TRAPPC9: variants seen among roughly 807,000 people sequenced by gnomAD.
TRAPPC9 encodes the protein IKK2 binding protein.
A neutral mutation model predicts 124.0 loss-of-function variants in TRAPPC9; 83 were observed. That is an observed-to-expected ratio of 0.67 (90% CI 0.56 to 0.80). The LOEUF is 0.80. Among genes scored for constraint, TRAPPC9 ranks in the 30% least tolerant of loss-of-function variants. The pLI is 0.00. For missense variants in TRAPPC9, 1,302 were observed against 1,508.3 expected (o/e 0.86, Z 2.27); for synonymous variants, 638 against 617.5 (o/e 1.03, Z -0.49).
At chr8:140,226,483 T>G (rs1239100898) in intron 16 of TRAPPC9, among the ~76,000 whole-genome samples, 1 of 150,062 alleles carries the variant, frequency 6.7e-6, no homozygotes, top group African/African-American at 2.5e-5. Context: ...TCCCAGCTAC[T>G]GGGGAGGCTA....
At chr8:140,401,341 A>G (rs34304055) in intron 6 of TRAPPC9, among the ~76,000 whole-genome samples, 42,410 of 152,068 alleles carry the variant, frequency 0.28, 6,853 homozygotes, top group South Asian at 0.43. Context: ...AATCTGTTAT[A>G]TTAAATATAA....
intron 21 of TRAPPC9, among the ~76,000 whole-genome samples, chr8:139,858,810 G>A (rs759033813): frequency 3.4e-5 from 5 of 149,180 alleles, no homozygotes; most frequent in Non-Finnish European, 5.9e-5. Context: ...CACTGCGACC[G>A]GGACTGTGAA....
At chr8:140,417,910 AG>A (rs2069998303) in intron 5 of TRAPPC9, among the ~76,000 whole-genome samples, 1 of 152,234 alleles carries the variant, frequency 6.6e-6, no homozygotes, top group African/African-American at 2.4e-5. Context: ...TGTCCTTTGC[AG>A]GGACATGGAT....
At chr8:140,297,491 A>G (rs1286911705) in intron 11 of TRAPPC9, among the ~76,000 whole-genome samples, 2 of 152,172 alleles carry the variant, frequency 1.3e-5, no homozygotes, top group African/African-American at 4.8e-5. Context: ...TAGTGCTCAC[A>G]TTTTCAGAAA....
At chr8:139,989,318 T>TGTGTGC (rs1554601890) in intron 18 of TRAPPC9, among the ~76,000 whole-genome samples, 3 of 151,936 alleles carry the variant, frequency 2.0e-5, no homozygotes, top group Non-Finnish European at 2.9e-5. Context: ...TGTGTGTGTG[T>TGTGTGC]GTGCACATCC....
intron 2 of TRAPPC9, among the ~76,000 whole-genome samples, chr8:140,449,699 G>T (rs562185258): frequency 2.0e-5 from 3 of 152,328 alleles, no homozygotes; most frequent in Non-Finnish European, 4.4e-5. Flanking sequence ...CTTTGTAAGT[G>T]AGGAATTCGA....
At chr8:140,233,628 C>CACACACACACAA (rs1178057075) in intron 16 of TRAPPC9, among the ~76,000 whole-genome samples, 1 of 144,286 alleles carries the variant, frequency 6.9e-6, no homozygotes, top group African/African-American at 2.6e-5. Context: ...CCCCACCACA[C>CACACACACACAA]ACACACACAC....
intron 9 of TRAPPC9, among the ~76,000 whole-genome samples, chr8:140,320,139 C>T (rs2131936473): frequency 6.6e-6 from 1 of 152,250 alleles, no homozygotes; most frequent in Admixed American, 6.5e-5. Flanking sequence ...TTTTCACAAT[C>T]GATTCTGGTA....
At chr8:139,909,465 AG>A (rs1831572420) in intron 20 of TRAPPC9, among the ~76,000 whole-genome samples, 1 of 150,982 alleles carries the variant, frequency 6.6e-6, no homozygotes, top group Non-Finnish European at 1.5e-5. Flanking sequence ...ACTTCATACT[AG>A]ACAAACAACT....
chr8:139,839,947 G>A (rs916560423), intron 21 of TRAPPC9, among the ~76,000 whole-genome samples: 1 of 152,218 alleles, frequency 6.6e-6, no homozygotes, highest in Admixed American at 6.5e-5. Flanking sequence ...CTGAGACTGT[G>A]TTCCAAAGAA....
At chr8:140,101,464 G>A (rs908885924) in intron 17 of TRAPPC9, among the ~76,000 whole-genome samples, 6 of 151,376 alleles carry the variant, frequency 4.0e-5, no homozygotes, top group African/African-American at 7.3e-5. Flanking sequence ...ACATTTTTAG[G>A]TGCTGATCAC....
chr8:140,157,472 T>A (rs1485698389), intron 17 of TRAPPC9, among the ~76,000 whole-genome samples: 1 of 152,182 alleles, frequency 6.6e-6, no homozygotes, highest in South Asian at 2.1e-4. Context: ...CCTCAACGAA[T>A]GACGAAATGA....
chr8:140,311,297 C>A lies in TRAPPC9; in HGVS notation c.1573G>T (p.Gly525Cys), dbSNP rs777169995. ...PGTMEPIALP[G>C]GLTLPPVPFT... ...GGCACCGGTGGCAGGGTGAGGCCGC[C>A]AGGGAGGGCGATGGGCTCCATGGTC... Residue 525 changes from glycine to cysteine, a missense_variant, in exon 10 of 23, where the codon GGC becomes TGC. Transcript: ENST00000438773. The A allele has an allele frequency of 6.2e-7, 1 of 1,613,652 alleles. No individual in the cohort carries two copies. The highest frequency in any genetic ancestry group is 8.5e-7 in the Non-Finnish European group (1 of 1,180,008).
chr8:139,781,142 T>C (rs1821789610), intron 21 of TRAPPC9, among the ~76,000 whole-genome samples: 2 of 152,126 alleles, frequency 1.3e-5, no homozygotes, highest in African/African-American at 4.8e-5. Context: ...TAGTATAATC[T>C]AGCAGTCACA....
chr8:139,759,300 A>G (rs546612385), intron 21 of TRAPPC9, among the ~76,000 whole-genome samples: 1 of 152,298 alleles, frequency 6.6e-6, no homozygotes, highest in South Asian at 2.1e-4. Context: ...CCTGCCGCTC[A>G]CTGAGTGTTT....
At chr8:140,392,609 C>A (rs2068959092) in intron 7 of TRAPPC9, among the ~76,000 whole-genome samples, 1 of 152,234 alleles carries the variant, frequency 6.6e-6, no homozygotes, top group South Asian at 2.1e-4. Flanking sequence ...ACGACGGACA[C>A]AGCGCCGAGT....
intron 17 of TRAPPC9, among the ~76,000 whole-genome samples, chr8:140,025,326 G>T (rs1032441558): frequency 6.6e-6 from 1 of 152,186 alleles, no homozygotes; most frequent in East Asian, 1.9e-4. Flanking sequence ...TGTGTGGCCT[G>T]AGAGCTAAGA....
At chr8:140,017,383 C>T (rs1187651606) in intron 18 of TRAPPC9, among the ~76,000 whole-genome samples, 1 of 152,198 alleles carries the variant, frequency 6.6e-6, no homozygotes, top group African/African-American at 2.4e-5. Flanking sequence ...AAATTCATCT[C>T]CAGTGAATTC....
intron 19 of TRAPPC9, among the ~76,000 whole-genome samples, chr8:139,949,451 C>A (rs1834492017): frequency 6.6e-6 from 1 of 152,162 alleles, no homozygotes; most frequent in Non-Finnish European, 1.5e-5. Flanking sequence ...CAAGAGCACA[C>A]ACAGTAGCGT....
Sources: allele counts gnomAD v4.1 joint callset (sites outside exome capture counted in the v4.1 genomes callset), GRCh38; gene constraint gnomAD v4.1.1; transcripts MANE v1.5; gene names NCBI Gene and HGNC (gene_info 2026-07-23, HGNC 2026-07-21).